PCDH15: variants seen among roughly 807,000 people sequenced by gnomAD.
PCDH15 encodes protocadherin-15.
PCDH15 carries 129 observed loss-of-function variants against 178.5 expected under a neutral mutation model. That is an observed-to-expected ratio of 0.72 (90% CI 0.63 to 0.84). The LOEUF (loss-of-function observed/expected upper bound fraction) is 0.84, where lower values mean the gene tolerates loss of function less well. Ranked by LOEUF, PCDH15 falls within the 40% of genes least tolerant of loss-of-function variation. The probability of loss-of-function intolerance (pLI) is 0.00; values close to 1 mark genes in which losing one functional copy is unlikely to be tolerated. For synonymous variants in PCDH15, 800 were observed against 732.0 expected (o/e 1.09, Z -1.50); for missense variants, 2,230 against 2,099.9 (o/e 1.06, Z -1.21).
At chr10:54,733,134 G>C (rs1943631881) in intron 1 of PCDH15, among the ~76,000 whole-genome samples, 1 of 151,334 alleles carries the variant, frequency 6.6e-6, no homozygotes. Flanking sequence ...AACCTAGACA[G>C]TAAAATAAGA....
In PCDH15 at chr10:55,340,445, ATCATC is replaced by A. The variant is rs200123934; in HGVS notation, c.-155-173799_-155-173795del. Among the ~76,000 whole-genome samples, 86 of 152,088 alleles carry A rather than the reference ATCATC, an allele frequency of 5.7e-4. No homozygotes were observed. The East Asian group carries it at 0.015, about 27-fold the overall frequency. On this transcript the variant is annotated intron_variant, in intron 2 of 5. Coordinates refer to the PCDH15 transcript ENST00000613346. Reference sequence around the variant, plus strand: ...ATGGTTTTCTTATGATGGGAAGTTAATCATCTCATACTAGACTACTCAGTGTGCAT... The same window carrying A: ...ATGGTTTTCTTATGATGGGAAGTTAATCATACTAGACTACTCAGTGTGCAT...
chr10:55,264,556 T>G (rs2132239034), intron 1 of PCDH15, among the ~76,000 whole-genome samples: 1 of 152,210 alleles, frequency 6.6e-6, no homozygotes, highest in East Asian at 1.9e-4. Flanking sequence ...GACGCTTGCT[T>G]TATCTCTTTA....
At chr10:55,350,230 T>TATAC (rs1844876457) in intron 2 of PCDH15, among the ~76,000 whole-genome samples, 1 of 45,752 alleles carries the variant, frequency 2.2e-5, no homozygotes, top group Non-Finnish European at 4.1e-5. Context: ...TATAAACTCA[T>TATAC]ATATATATAT....
chr10:53,841,749 C>T (rs10763012), intron 28 of PCDH15, among the ~76,000 whole-genome samples: 93,471 of 151,988 alleles, frequency 0.61, 30,561 homozygotes, highest in East Asian at 0.99. Context: ...TTTCTGATGA[C>T]ATCCTTGAAG....
At chr10:53,884,078 G>A (rs1180604883) in intron 26 of PCDH15, among the ~76,000 whole-genome samples, 1 of 152,032 alleles carries the variant, frequency 6.6e-6, no homozygotes, top group Non-Finnish European at 1.5e-5. Context: ...TATTTGATTT[G>A]GCCAAAAAAT....
intron 3 of PCDH15, among the ~76,000 whole-genome samples, chr10:54,417,135 G>A (rs182507440): frequency 5.3e-5 from 8 of 152,100 alleles, no homozygotes; most frequent in Middle Eastern, 3.4e-3. Flanking sequence ...AGTGATCCAC[G>A]CACCTTAGTC....
chr10:54,832,834 A>C (rs192494511), intron 3 of PCDH15, among the ~76,000 whole-genome samples: 81 of 152,294 alleles, frequency 5.3e-4, no homozygotes, highest in Middle Eastern at 3.4e-3. Flanking sequence ...GAGGTAAACA[A>C]ATATCACAGA....
In PCDH15 at chr10:54,522,169, TTTAA is replaced by T. The variant is rs533796330; in HGVS notation, c.157+5639_157+5642del. On this transcript the variant is annotated intron_variant, in intron 3 of 37. Coordinates refer to ENST00000644397, the MANE Select transcript of PCDH15 (RefSeq NM_001384140.1). ...CTACACACAGTTGTGAATTTGAATT[TTTAA>T]TTATGCGCTGCTATGACATTGAGTG... Among the ~76,000 whole-genome samples the T allele has an allele frequency of 1.1e-3, 162 of 152,182 alleles. 1 individual carries two copies. The highest frequency in any genetic ancestry group is 2.4e-3 in the Admixed American group (37 of 15,268).
intron 26 of PCDH15, among the ~76,000 whole-genome samples, chr10:53,901,405 A>G (rs1198454904): frequency 6.6e-6 from 1 of 152,032 alleles, no homozygotes; most frequent in African/African-American, 2.4e-5. Context: ...TCATCGGCAA[A>G]TCCTATATGT....
chr10:53,859,139 G>A (rs1040280379), intron 27 of PCDH15, among the ~76,000 whole-genome samples: 1 of 151,884 alleles, frequency 6.6e-6, no homozygotes, highest in Non-Finnish European at 1.5e-5. Flanking sequence ...TTATCCCAAC[G>A]AGAAGTATAA....
intron 3 of PCDH15, among the ~76,000 whole-genome samples, chr10:54,499,831 C>A (rs1200522730): frequency 6.6e-6 from 1 of 151,978 alleles, no homozygotes; most frequent in Admixed American, 6.6e-5. Context: ...TTAGAGCTGA[C>A]CAGAATGACA....
At chr10:54,977,414 AT>A (rs1410267764) in intron 2 of PCDH15, among the ~76,000 whole-genome samples, 1 of 152,126 alleles carries the variant, frequency 6.6e-6, no homozygotes, top group Non-Finnish European at 1.5e-5. Flanking sequence ...TTATACTGTA[AT>A]TATAGTACAT....
At chr10:55,050,279 A>T (rs903519299) in intron 2 of PCDH15, among the ~76,000 whole-genome samples, 1 of 152,006 alleles carries the variant, frequency 6.6e-6, no homozygotes, top group Non-Finnish European at 1.5e-5. Context: ...CAACTTTATT[A>T]TACATTATGG....
intron 2 of PCDH15, among the ~76,000 whole-genome samples, chr10:55,460,533 C>A (rs1000542756): frequency 1.3e-5 from 2 of 151,950 alleles, no homozygotes; most frequent in Non-Finnish European, 2.9e-5. Context: ...TCACCGGACG[C>A]GTTTTGGTTT....
chr10:55,024,361 TTA>T (rs1389156174), intron 2 of PCDH15, among the ~76,000 whole-genome samples: 3 of 147,824 alleles, frequency 2.0e-5, no homozygotes, highest in African/African-American at 7.4e-5. Flanking sequence ...ATATGTATAT[TTA>T]TATGAGTGTG....
chr10:54,657,628 C>A (rs894832340), intron 2 of PCDH15, among the ~76,000 whole-genome samples: 2 of 152,164 alleles, frequency 1.3e-5, no homozygotes, highest in Non-Finnish European at 2.9e-5. Context: ...CCATAAAGAA[C>A]TTTGGCACAC....
At chr10:54,362,249 T>C (rs965411671) in intron 5 of PCDH15, among the ~76,000 whole-genome samples, 3 of 152,098 alleles carry the variant, frequency 2.0e-5, no homozygotes, top group African/African-American at 7.2e-5. Context: ...AGTATTCTTA[T>C]TATGAACAAA....
chr10:55,232,632 A>G (rs1386256485), intron 1 of PCDH15, among the ~76,000 whole-genome samples: 2 of 152,024 alleles, frequency 1.3e-5, no homozygotes, highest in Non-Finnish European at 2.9e-5. Context: ...AAAGTTTGTA[A>G]CTTCCAATTG....
chr10:53,957,356 G>A (rs1310884516), intron 23 of PCDH15, among the ~76,000 whole-genome samples: 1 of 152,030 alleles, frequency 6.6e-6, no homozygotes, highest in East Asian at 1.9e-4. Flanking sequence ...TCCTGTTCTT[G>A]AGAACTCCAA....
Sources: gnomAD v4.1 joint callset for allele counts (sites outside exome capture counted in the v4.1 genomes callset) on GRCh38, gnomAD v4.1.1 for gene constraint, MANE v1.5 for transcripts, NCBI Gene and HGNC (gene_info 2026-07-23, HGNC 2026-07-21) for gene names.